The following MAF variants were observed in gnomAD, a reference collection of about 807,000 sequenced individuals.
MAF encodes transcription factor Maf.
Under a neutral mutation model 22.0 loss-of-function variants are expected in MAF, and 10 were observed. The ratio of observed to expected loss-of-function variants is 0.45; its 90% CI spans 0.28 to 0.77. The LOEUF (loss-of-function observed/expected upper bound fraction) is 0.77, where lower values mean the gene tolerates loss of function less well. Ranked by LOEUF, MAF falls within the 30% of genes least tolerant of loss-of-function variation. The probability of loss-of-function intolerance (pLI) is 0.12; values close to 1 mark genes in which losing one functional copy is unlikely to be tolerated. For missense variants in MAF, 544 were observed against 548.4 expected (o/e 0.99, Z 0.08); for synonymous variants, 337 against 255.8 (o/e 1.32, Z -3.03).
the MAF span, among the ~76,000 whole-genome samples, chr16:79,300,726 A>T: frequency 6.6e-6 from 1 of 152,056 alleles, no homozygotes; most frequent in African/African-American, 2.4e-5. Context: ...GACAAAAAAA[A>T]TTCATTTAAT....
the MAF span, among the ~76,000 whole-genome samples, chr16:79,292,823 A>G: frequency 6.6e-6 from 1 of 152,210 alleles, no homozygotes; most frequent in Non-Finnish European, 1.5e-5. Context: ...CTCACTGCTC[A>G]TTATATGCCA....
the MAF span, among the ~76,000 whole-genome samples, chr16:79,367,418 C>T: frequency 6.6e-6 from 1 of 152,098 alleles, no homozygotes; most frequent in Non-Finnish European, 1.5e-5. Context: ...AGAAAGACAC[C>T]GTTACAGGGC....
Position 79,600,317 on chromosome 16 carries a change from C to G in MAF, c.-415G>C, listed in dbSNP as rs1487425192. The G allele has an allele frequency of 4.8e-6, 1 of 208,414 alleles. No homozygotes were observed. Among genetic ancestry groups the G allele is most frequent in the East Asian group, 8.7e-5 (1 of 11,470 alleles). The allele number at this position is 208,414 out of a possible 1,614,324, so 12.9% of individuals were successfully genotyped here. Reference sequence around the variant, plus strand: ...GCTCGCCGCTCCGCTGCGCGCTTTGCATAAGGAAGGGCTCGCCTCGCCGGC... The same window carrying G: ...GCTCGCCGCTCCGCTGCGCGCTTTGGATAAGGAAGGGCTCGCCTCGCCGGC... On this transcript the variant is annotated 5_prime_UTR_variant, in exon 1 of 2. The change abolishes an upstream ATG in the 5' untranslated region. Coordinates refer to ENST00000326043, the MANE Select transcript of MAF (RefSeq NM_005360.5).
chr16:79,225,897 G>A, the MAF span, among the ~76,000 whole-genome samples: 1 of 152,218 alleles, frequency 6.6e-6, no homozygotes, highest in Non-Finnish European at 1.5e-5. Flanking sequence ...TGGAGAGGAT[G>A]TGGAGATATA....
At chr16:79,498,462 T>C in the MAF span, among the ~76,000 whole-genome samples, 6 of 152,344 alleles carry the variant, frequency 3.9e-5, no homozygotes, top group African/African-American at 1.4e-4. Flanking sequence ...ATTCTTAGCT[T>C]GTCAGCAATG....
At chr16:79,392,493 G>A in the MAF span, among the ~76,000 whole-genome samples, 1 of 126,544 alleles carries the variant, frequency 7.9e-6, no homozygotes, top group Non-Finnish European at 1.8e-5. Flanking sequence ...TGGAGAGATA[G>A]GAGGAGAGAG....
chr16:79,446,079 A>G, the MAF span, among the ~76,000 whole-genome samples: 1 of 152,142 alleles, frequency 6.6e-6, no homozygotes, highest in Admixed American at 6.5e-5. Context: ...AGAGAAAAAA[A>G]AGAGAGAAAA....
intron 1 of MAF, 31 bp from the exon 2 acceptor site, chr16:79,594,584 T>C: frequency 6.4e-7 from 1 of 1,552,858 alleles, no homozygotes; most frequent in Non-Finnish European, 8.7e-7. Context: ...ATTTTAACAC[T>C]ATTTAGACAA....
At chr16:79,537,220 G>A in the MAF span, among the ~76,000 whole-genome samples, 2 of 152,274 alleles carry the variant, frequency 1.3e-5, no homozygotes, top group South Asian at 2.1e-4. Flanking sequence ...AGTCACACTC[G>A]AACATCCTGT....
At chr16:79,267,942 G>C in the MAF span, among the ~76,000 whole-genome samples, 1 of 152,092 alleles carries the variant, frequency 6.6e-6, no homozygotes, top group Non-Finnish European at 1.5e-5. Flanking sequence ...GTGTGGGCGG[G>C]GGCACGCCTT....
chr16:79,354,639 G>C, the MAF span, among the ~76,000 whole-genome samples: 2 of 152,206 alleles, frequency 1.3e-5, no homozygotes, highest in Non-Finnish European at 2.9e-5. Context: ...AAAAGGGATT[G>C]GTACTGGGTG....
chr16:79,470,944 T>C, the MAF span, among the ~76,000 whole-genome samples: 1 of 152,232 alleles, frequency 6.6e-6, no homozygotes, highest in African/African-American at 2.4e-5. Context: ...AAAGAATGAA[T>C]AAAGTATCTT....
chr16:79,425,817 C>A, the MAF span, among the ~76,000 whole-genome samples: 1 of 152,162 alleles, frequency 6.6e-6, no homozygotes, highest in Non-Finnish European at 1.5e-5. Context: ...GAACATTGCA[C>A]ACAGACTTTG....
chr16:79,261,780 G>T, the MAF span, among the ~76,000 whole-genome samples: 1 of 152,158 alleles, frequency 6.6e-6, no homozygotes, highest in Non-Finnish European at 1.5e-5. Context: ...GCAGGGCCTG[G>T]CCTCAAAGAC....
At chr16:79,212,076 G>GTATC in the MAF span, 2 of 1,536,300 alleles carry the variant, frequency 1.3e-6, no homozygotes, top group African/African-American at 1.4e-5. Flanking sequence ...TGTAGGTTCC[G>GTATC]TATCTCCCTG....
chr16:79,336,166 C>T, the MAF span, among the ~76,000 whole-genome samples: 14 of 152,220 alleles, frequency 9.2e-5, no homozygotes, highest in Non-Finnish European at 1.2e-4. Context: ...CTGTAAGCTT[C>T]AGGTGTCTCA....
the MAF span, among the ~76,000 whole-genome samples, chr16:79,510,398 A>G: frequency 6.6e-6 from 1 of 152,152 alleles, no homozygotes; most frequent in East Asian, 1.9e-4. Context: ...CTGGTCCTGG[A>G]GGTGTGGTAT....
chr16:79,289,245 C>A, the MAF span, among the ~76,000 whole-genome samples: 1 of 151,970 alleles, frequency 6.6e-6, no homozygotes, highest in Non-Finnish European at 1.5e-5. Context: ...AGCAGAGTGG[C>A]GGGAGCCCAC....
chr16:79,217,636 C>G, the MAF span, among the ~76,000 whole-genome samples: 36 of 152,300 alleles, frequency 2.4e-4, no homozygotes, highest in African/African-American at 7.9e-4. Flanking sequence ...TCCACCCAAA[C>G]AGGAAGAGTA....
Sources: allele counts gnomAD v4.1 joint callset (sites outside exome capture counted in the v4.1 genomes callset), GRCh38; gene constraint gnomAD v4.1.1; transcripts MANE v1.5; gene names NCBI Gene and HGNC (gene_info 2026-07-23, HGNC 2026-07-21).